LRRC4C: variants seen among roughly 807,000 people sequenced by gnomAD.
LRRC4C encodes leucine-rich repeat-containing protein 4C.
In LRRC4C, 5 loss-of-function variants were observed where a neutral mutation model predicts 33.6. The ratio of observed to expected loss-of-function variants is 0.15; its 90% CI spans 0.08 to 0.31. The LOEUF (loss-of-function observed/expected upper bound fraction) is 0.31, where lower values mean the gene tolerates loss of function less well. Ranked by LOEUF, LRRC4C falls within the 10% of genes least tolerant of loss-of-function variation. The probability of loss-of-function intolerance (pLI) is 1.00; values close to 1 mark genes in which losing one functional copy is unlikely to be tolerated. For missense variants in LRRC4C, 560 were observed against 796.7 expected (o/e 0.70, Z 3.58); for synonymous variants, 329 against 302.0 (o/e 1.09, Z -0.93).
At chr11:41,099,661 C>T (rs757288741) in intron 1 of LRRC4C, among the ~76,000 whole-genome samples, 7 of 152,212 alleles carry the variant, frequency 4.6e-5, no homozygotes, top group Admixed American at 2.6e-4. Context: ...TACAAACTCT[C>T]TATAAACCAG....
chr11:40,547,031 G>A lies in LRRC4C; in HGVS notation c.-270+101111C>T, dbSNP rs192022480. The stretch of plus-strand genomic sequence containing the variant: ...AAATAATAGATTTTACACAGCCTTC[G>A]CTGTAAGTTGGCTTCCAGCCTTAAC... On this transcript the variant is annotated intron_variant, in intron 3 of 6. Transcript: ENST00000528697. Among the ~76,000 whole-genome samples, 62 of 152,254 alleles carry A rather than the reference G, an allele frequency of 4.1e-4. 1 individual carries two copies. Among genetic ancestry groups the A allele is most frequent in the Middle Eastern group, 3.4e-3 (1 of 294 alleles).
chr11:41,037,733 G>C (rs1857182695), intron 1 of LRRC4C, among the ~76,000 whole-genome samples: 1 of 152,130 alleles, frequency 6.6e-6, no homozygotes, highest in Admixed American at 6.6e-5. Context: ...AACACATATA[G>C]TAGGTGAGTG....
intron 3 of LRRC4C, among the ~76,000 whole-genome samples, chr11:40,586,183 G>A (rs900811860): frequency 2.6e-5 from 4 of 151,854 alleles, no homozygotes; most frequent in Non-Finnish European, 5.9e-5. Flanking sequence ...GTGTGAGATG[G>A]TATCTCATTG....
intron 6 of LRRC4C, among the ~76,000 whole-genome samples, chr11:40,130,584 C>G (rs1856580395): frequency 6.6e-6 from 1 of 152,208 alleles, no homozygotes; most frequent in Non-Finnish European, 1.5e-5. Flanking sequence ...AAATCCCTTA[C>G]TGCCTCTACC....
At chr11:40,533,013 C>G (rs10437590) in intron 3 of LRRC4C, among the ~76,000 whole-genome samples, 13,359 of 152,080 alleles carry the variant, frequency 0.088, 1,668 homozygotes, top group African/African-American at 0.28. Context: ...ATCACGAGAA[C>G]AGCAAACCAA....
chr11:41,225,126 T>C (rs555322777), intron 1 of LRRC4C, among the ~76,000 whole-genome samples: 63 of 152,100 alleles, frequency 4.1e-4, no homozygotes, highest in Admixed American at 1.2e-3. Flanking sequence ...TTACCAGAGG[T>C]TGGGGAGGCC....
intron 5 of LRRC4C, among the ~76,000 whole-genome samples, chr11:40,228,917 A>T (rs1865000869): frequency 1.3e-5 from 2 of 152,204 alleles, no homozygotes; most frequent in Admixed American, 1.3e-4. Context: ...GGACCAATGA[A>T]TATGTATATT....
chr11:41,266,720 C>A (rs553570540), intron 1 of LRRC4C, among the ~76,000 whole-genome samples: 87 of 152,198 alleles, frequency 5.7e-4, no homozygotes, highest in Middle Eastern at 3.4e-3. Flanking sequence ...TTAAGCCCCA[C>A]ACAGCAAAAT....
intron 1 of LRRC4C, among the ~76,000 whole-genome samples, chr11:41,445,487 T>C (rs910752719): frequency 6.7e-6 from 1 of 150,326 alleles, no homozygotes; most frequent in Non-Finnish European, 1.5e-5. Context: ...ACAAAAGGAG[T>C]AAATGGAAGA....
chr11:40,226,211 T>G (rs1356517387), intron 5 of LRRC4C, among the ~76,000 whole-genome samples: 1 of 152,168 alleles, frequency 6.6e-6, no homozygotes, highest in Non-Finnish European at 1.5e-5. Flanking sequence ...AGTCTTAAGC[T>G]CATTCCACTA....
intron 1 of LRRC4C, among the ~76,000 whole-genome samples, chr11:40,999,065 T>G (rs1854180120): frequency 2.6e-5 from 4 of 152,114 alleles, no homozygotes. Context: ...CATGTGGAGT[T>G]TTCCATAGGA....
In LRRC4C at chr11:40,457,868, A is replaced by G. The variant is rs2138152852; in HGVS notation, c.-269-138147T>C. Among the ~76,000 whole-genome samples the G allele has an allele frequency of 2.0e-5, 3 of 152,220 alleles. No homozygotes were observed. In the South Asian group the frequency reaches 6.2e-4, roughly 32 times the overall value. The stretch of plus-strand genomic sequence containing the variant: ...AATTTTTTATGTCATATTATTGCAG[A>G]AGTCTCTGTTTTTCTTGCAGTAGCC... On this transcript the variant is annotated intron_variant, in intron 3 of 6. Transcript: ENST00000528697.
At position 40,644,946 on chromosome 11, in the gene LRRC4C, G is replaced by GTT. The variant is rs10653957; in HGVS notation, c.-270+3194_-270+3195dup. Among the ~76,000 whole-genome samples the GTT allele has an allele frequency of 8.5e-4, 124 of 145,714 alleles. 1 individual carries two copies. The South Asian group carries it at 0.013, about 16-fold the overall frequency. ...GGGAACAGGCACTCGGGATCTCTGTGTTTTTTTTTTTTACAACTACATGTG... is the reference window on the plus strand; with the variant it reads ...GGGAACAGGCACTCGGGATCTCTGTGTTTTTTTTTTTTTTACAACTACATGTG... On this transcript the variant is annotated intron_variant, in intron 3 of 6. Transcript: ENST00000528697.
At chr11:41,358,312 A>T (rs1952233260) in intron 1 of LRRC4C, among the ~76,000 whole-genome samples, 1 of 152,136 alleles carries the variant, frequency 6.6e-6, no homozygotes, top group South Asian at 2.1e-4. Flanking sequence ...AAGATAACAG[A>T]GAAGAAAATA....
At chr11:40,686,622 C>A (rs1197021531) in intron 2 of LRRC4C, among the ~76,000 whole-genome samples, 1 of 151,920 alleles carries the variant, frequency 6.6e-6, no homozygotes, top group Non-Finnish European at 1.5e-5. Context: ...GCTTCAGGGG[C>A]TGGAATGATG....
intron 2 of LRRC4C, among the ~76,000 whole-genome samples, chr11:40,907,403 C>A (rs1956471275): frequency 6.6e-6 from 1 of 152,116 alleles, no homozygotes; most frequent in African/African-American, 2.4e-5. Flanking sequence ...CATAATGGGG[C>A]AATCATTATT....
chr11:40,252,008 A>G (rs1866823160), intron 4 of LRRC4C, among the ~76,000 whole-genome samples: 1 of 152,156 alleles, frequency 6.6e-6, no homozygotes, highest in Non-Finnish European at 1.5e-5. Context: ...CTTATATTCT[A>G]TGCATTTACC....
At chr11:40,869,870 A>C (rs770090957) in intron 2 of LRRC4C, among the ~76,000 whole-genome samples, 2 of 152,122 alleles carry the variant, frequency 1.3e-5, no homozygotes, top group Non-Finnish European at 2.9e-5. Context: ...GAAGCTTTTT[A>C]ATAAGCTTTC....
At chr11:40,942,284 T>G (rs944508917) in intron 1 of LRRC4C, among the ~76,000 whole-genome samples, 8 of 152,188 alleles carry the variant, frequency 5.3e-5, no homozygotes, top group Admixed American at 5.2e-4. Context: ...CCATTGGATC[T>G]TAAGAGCAGC....
Sources: allele counts gnomAD v4.1 joint callset (sites outside exome capture counted in the v4.1 genomes callset), GRCh38; gene constraint gnomAD v4.1.1; transcripts MANE v1.5; gene names NCBI Gene and HGNC (gene_info 2026-07-23, HGNC 2026-07-21).